Variants in GRM5 observed in about 807,000 individuals in gnomAD.
The protein encoded by GRM5 is metabotropic glutamate receptor 5.
In GRM5, 19 loss-of-function variants were observed where a neutral mutation model predicts 83.1. The ratio of observed to expected loss-of-function variants is 0.23; its 90% CI spans 0.16 to 0.34. The LOEUF is 0.34. GRM5 is among the 10% of genes least tolerant of loss of function. The probability of loss-of-function intolerance (pLI) is 1.00; values close to 1 mark genes in which losing one functional copy is unlikely to be tolerated. For synonymous variants in GRM5, 675 were observed against 633.6 expected (o/e 1.07, Z -0.98); for missense variants, 1,160 against 1,588.3 (o/e 0.73, Z 4.58).
intron 2 of GRM5, among the ~76,000 whole-genome samples, chr11:88,855,811 CA>C (rs1221408821): frequency 6.6e-6 from 1 of 151,766 alleles, no homozygotes; most frequent in Non-Finnish European, 1.5e-5. Flanking sequence ...TCCTTCTTTT[CA>C]AAACTGTGAG....
intron 3 of GRM5, among the ~76,000 whole-genome samples, chr11:88,714,497 C>T (rs1412641063): frequency 6.6e-6 from 1 of 151,862 alleles, no homozygotes; most frequent in Non-Finnish European, 1.5e-5. Context: ...GTGATGGAAA[C>T]CTAAAGCATA....
At chr11:88,737,543 G>A (rs374968630) in intron 3 of GRM5, among the ~76,000 whole-genome samples, 2 of 151,968 alleles carry the variant, frequency 1.3e-5, no homozygotes, top group East Asian at 3.9e-4. Flanking sequence ...CTTATGAATG[G>A]AACAATAATT....
intron 3 of GRM5, among the ~76,000 whole-genome samples, chr11:88,720,523 T>G (rs1941508658): frequency 6.7e-6 from 1 of 148,822 alleles, no homozygotes; most frequent in Non-Finnish European, 1.5e-5. Flanking sequence ...ACCAACTGGG[T>G]GAATAAGGCT....
intron 3 of GRM5, among the ~76,000 whole-genome samples, chr11:88,816,537 T>G (rs1256712214): frequency 1.1e-5 from 1 of 88,820 alleles, no homozygotes; most frequent in Non-Finnish European, 2.2e-5. Flanking sequence ...AGACTCCATC[T>G]CAAAAAAAAA....
intron 2 of GRM5, among the ~76,000 whole-genome samples, chr11:89,042,087 C>T (rs1025371875): frequency 1.4e-4 from 21 of 152,116 alleles, no homozygotes; most frequent in African/African-American, 4.6e-4. Context: ...TTTTGTCACC[C>T]AGGCTGGAGT....
At chr11:88,820,257 G>A (rs1260037454) in intron 3 of GRM5, among the ~76,000 whole-genome samples, 3 of 149,796 alleles carry the variant, frequency 2.0e-5, no homozygotes, top group Admixed American at 6.7e-5. Context: ...GCTTGGTGGC[G>A]CACACCTGTA....
At chr11:88,629,484 G>C (rs1033852816) in intron 4 of GRM5, among the ~76,000 whole-genome samples, 1 of 152,116 alleles carries the variant, frequency 6.6e-6, no homozygotes, top group Non-Finnish European at 1.5e-5. Flanking sequence ...ACCCCCTCCA[G>C]AGGTAGAGGG....
chr11:88,809,093 A>T (rs1943545411), intron 3 of GRM5, among the ~76,000 whole-genome samples: 1 of 152,020 alleles, frequency 6.6e-6, no homozygotes, highest in Admixed American at 6.6e-5. Flanking sequence ...TTCTTTTTTA[A>T]TTCACAAGTT....
At chr11:88,857,236 C>T (rs1301016827) in intron 2 of GRM5, among the ~76,000 whole-genome samples, 3 of 152,074 alleles carry the variant, frequency 2.0e-5, no homozygotes, top group Non-Finnish European at 4.4e-5. Context: ...ATGCCTGTTT[C>T]TCCATACCTT....
intron 1 of GRM5, among the ~76,000 whole-genome samples, chr11:89,057,447 A>G (rs1941902515): frequency 6.6e-6 from 1 of 152,092 alleles, no homozygotes; most frequent in Admixed American, 6.6e-5. Context: ...AACCCCCTCA[A>G]CAAAAAAAGG....
At chr11:88,994,443 G>GA (rs1940100852) in intron 2 of GRM5, among the ~76,000 whole-genome samples, 1 of 110,480 alleles carries the variant, frequency 9.1e-6, no homozygotes, top group Non-Finnish European at 1.8e-5. Flanking sequence ...CACTTTAACT[G>GA]ATTATATATA....
At chr11:88,859,163 T>C (rs1287153714) in intron 2 of GRM5, among the ~76,000 whole-genome samples, 2 of 152,048 alleles carry the variant, frequency 1.3e-5, no homozygotes, top group Admixed American at 6.6e-5. Context: ...GTAGAAGATA[T>C]ATAGGAGTAG....
chr11:88,951,781 T>C (rs1938473014), intron 2 of GRM5, among the ~76,000 whole-genome samples: 1 of 152,224 alleles, frequency 6.6e-6, no homozygotes, highest in South Asian at 2.1e-4. Context: ...AAGTGCATAA[T>C]AAATGTCATC....
chr11:88,743,309 C>T (rs1008443438), intron 3 of GRM5, among the ~76,000 whole-genome samples: 4 of 152,194 alleles, frequency 2.6e-5, no homozygotes, highest in African/African-American at 9.6e-5. Flanking sequence ...ACTGGGTACA[C>T]GATAGACTTC....
At chr11:88,669,949 T>G (rs746459107) in intron 3 of GRM5, among the ~76,000 whole-genome samples, 14 of 151,970 alleles carry the variant, frequency 9.2e-5, no homozygotes, top group Non-Finnish European at 1.9e-4. Context: ...GTTCTAAAAT[T>G]TATAGGGAAA....
intron 3 of GRM5, among the ~76,000 whole-genome samples, chr11:88,671,186 T>C (rs558103842): frequency 1.3e-5 from 2 of 151,850 alleles, no homozygotes; most frequent in Admixed American, 1.3e-4. Context: ...AGCAGAGACA[T>C]GCTAGACCCT....
At chr11:88,892,048 C>T (rs1200226270) in intron 2 of GRM5, among the ~76,000 whole-genome samples, 3 of 151,996 alleles carry the variant, frequency 2.0e-5, no homozygotes, top group South Asian at 2.1e-4. Context: ...GAACAAAATT[C>T]GGAGCAGGTT....
intron 3 of GRM5, among the ~76,000 whole-genome samples, chr11:88,721,261 C>T (rs569472559): frequency 6.6e-6 from 1 of 152,156 alleles, no homozygotes; most frequent in Admixed American, 6.6e-5. Flanking sequence ...TTTCTCCTTT[C>T]TAGAAATTCA....
intron 3 of GRM5, among the ~76,000 whole-genome samples, chr11:88,739,016 G>A (rs772515111): frequency 2.3e-4 from 35 of 152,080 alleles, no homozygotes; most frequent in Middle Eastern, 3.4e-3. Context: ...CTTTCCATTA[G>A]AATACATTTC....
Sources: allele counts gnomAD v4.1 joint callset (sites outside exome capture counted in the v4.1 genomes callset), GRCh38; gene constraint gnomAD v4.1.1; transcripts MANE v1.5; gene names NCBI Gene and HGNC (gene_info 2026-07-23, HGNC 2026-07-21).